The following CSMD1 variants were observed in gnomAD, a reference collection of about 807,000 sequenced individuals.
The protein encoded by CSMD1 is CUB and sushi domain-containing protein 1.
In CSMD1, 213 loss-of-function variants were observed where a neutral mutation model predicts 417.5. That is an observed-to-expected ratio of 0.51 (90% CI 0.46 to 0.57). The LOEUF (loss-of-function observed/expected upper bound fraction) is 0.57, where lower values mean the gene tolerates loss of function less well. Among genes scored for constraint, CSMD1 ranks in the 20% least tolerant of loss-of-function variants. CSMD1 has a pLI of 0.00. For missense variants in CSMD1, 6,923 were observed against 4,529.7 expected (o/e 1.53, Z -15.17); for synonymous variants, 2,862 against 1,736.8 (o/e 1.65, Z -16.11).
At chr8:4,769,941 A>G (rs904115433) in intron 1 of CSMD1, among the ~76,000 whole-genome samples, 4 of 152,196 alleles carry the variant, frequency 2.6e-5, no homozygotes, top group African/African-American at 2.4e-5. Context: ...AATAAGAACA[A>G]TAACAAGTTA....
At chr8:2,976,416 G>A (rs912042781) in intron 55 of CSMD1, among the ~76,000 whole-genome samples, 3 of 152,130 alleles carry the variant, frequency 2.0e-5, no homozygotes, top group Non-Finnish European at 2.9e-5. Context: ...AGCCTGGAGT[G>A]CAGTGGTGCA....
At chr8:3,289,823 T>C (rs1445948676) in intron 25 of CSMD1, among the ~76,000 whole-genome samples, 2 of 147,368 alleles carry the variant, frequency 1.4e-5, no homozygotes, top group Non-Finnish European at 2.9e-5. Flanking sequence ...AGAAGCTCTT[T>C]AGTTTAATTA....
chr8:4,085,348 C>T (rs1800363621), intron 3 of CSMD1, among the ~76,000 whole-genome samples: 1 of 152,078 alleles, frequency 6.6e-6, no homozygotes, highest in Non-Finnish European at 1.5e-5. Context: ...AATGGCATCT[C>T]ACAACTCAAA....
rs1345850327 is a variant in CSMD1 at position 4,441,287 on chromosome 8, G to T, written c.303-21222C>A. On this transcript the variant is annotated intron_variant, in intron 2 of 69. Transcript: ENST00000635120. ...TTTTTTTTTTTTTTTTTTTTTGGTGGGGGGAGTAGAGAGGGAGGTCTCACT... is the reference window on the plus strand; with the variant it reads ...TTTTTTTTTTTTTTTTTTTTTGGTGTGGGGAGTAGAGAGGGAGGTCTCACT... 5.9e-5 allele frequency among the ~76,000 whole-genome samples: 8 copies of T among 136,298 alleles called. No individual in the cohort carries two copies. The Admixed American group carries it at 6.0e-4, about 10-fold the overall frequency. The allele number at this position is 136,298 out of a possible 152,430, so 89.4% of individuals were successfully genotyped here. A position where few individuals can be genotyped will look rare whatever the true frequency, so the allele number is the denominator to read the frequency against.
At chr8:4,173,917 G>A (rs570416061) in intron 3 of CSMD1, among the ~76,000 whole-genome samples, 2 of 152,090 alleles carry the variant, frequency 1.3e-5, no homozygotes. Flanking sequence ...ACATGGCTCA[G>A]GGTATGAACT....
intron 18 of CSMD1, chr8:3,373,261 G>A (rs893718889): frequency 1.3e-5 from 2 of 152,152 alleles, no homozygotes; most frequent in Non-Finnish European, 2.9e-5. Context: ...GGGAGGGAAT[G>A]TGCTCTGCCC....
In CSMD1 at chr8:4,053,403, G is replaced by C. The variant is rs375869941; in HGVS notation, c.416-21304C>G. Among the ~76,000 whole-genome samples, 23 of 150,806 alleles carry C rather than the reference G, an allele frequency of 1.5e-4. No homozygotes were observed. The East Asian group carries it at 2.4e-3, about 16-fold the overall frequency. ...GTGTGCGCTGACTGCCTCTACCTTG[G>C]TGTGAATAGCTCCCACCACCTGCTT... On this transcript the variant is annotated intron_variant, in intron 3 of 69. Transcript: ENST00000635120.
chr8:3,746,895 C>G (rs549827098), intron 6 of CSMD1, among the ~76,000 whole-genome samples: 4 of 152,190 alleles, frequency 2.6e-5, no homozygotes, highest in African/African-American at 9.7e-5. Flanking sequence ...CCCAAGAGGA[C>G]TGAGTACAGT....
At chr8:3,025,394 G>A (rs537220962) in intron 51 of CSMD1, among the ~76,000 whole-genome samples, 3 of 151,676 alleles carry the variant, frequency 2.0e-5, no homozygotes, top group East Asian at 1.9e-4. Context: ...ATTGTGTGGT[G>A]TTATTCTGAA....
chr8:3,086,024 T>A lies in CSMD1; in HGVS notation c.7474+1073A>T, dbSNP rs554211146. Among the ~76,000 whole-genome samples, 33 of 152,262 alleles carry A rather than the reference T, an allele frequency of 2.2e-4. 2 individuals carry two copies. In the East Asian group the frequency reaches 6.4e-3, roughly 29 times the overall value. On this transcript the variant is annotated intron_variant, in intron 49 of 69. Coordinates refer to ENST00000635120, the MANE Select transcript of CSMD1 (RefSeq NM_033225.6). The stretch of plus-strand genomic sequence containing the variant: ...TCCAGGCTGCCGTTTGGGCTGTGGT[T>A]CTGTCATTAGCCAGTGCTAGTGGGG...
intron 2 of CSMD1, 72 bp from the exon 3 acceptor site, chr8:4,420,137 T>A: frequency 9.5e-7 from 1 of 1,051,538 alleles, no homozygotes; most frequent in Non-Finnish European, 1.4e-6. Context: ...TTTGATGAAG[T>A]CACTGAATAA....
At chr8:4,860,385 C>T (rs1802056982) in intron 1 of CSMD1, among the ~76,000 whole-genome samples, 1 of 151,008 alleles carries the variant, frequency 6.6e-6, no homozygotes, top group Non-Finnish European at 1.5e-5. Context: ...ACAATGGGCA[C>T]ATGTACCCAA....
intron 3 of CSMD1, among the ~76,000 whole-genome samples, chr8:4,279,110 G>C (rs144535018): frequency 6.6e-6 from 1 of 151,894 alleles, no homozygotes; most frequent in African/African-American, 2.4e-5. Context: ...AACACCAACC[G>C]TATTAGCAAA....
intron 3 of CSMD1, among the ~76,000 whole-genome samples, chr8:4,375,745 C>T (rs186429871): frequency 6.6e-6 from 1 of 152,134 alleles, no homozygotes; most frequent in Non-Finnish European, 1.5e-5. Flanking sequence ...ACTGCCTGCA[C>T]CATGCCCTGC....
chr8:3,337,746 G>T (rs1006013188), intron 23 of CSMD1, among the ~76,000 whole-genome samples: 1 of 152,120 alleles, frequency 6.6e-6, no homozygotes, highest in East Asian at 1.9e-4. Flanking sequence ...ACCTGGAATC[G>T]GCCTAATGGG....
intron 12 of CSMD1, among the ~76,000 whole-genome samples, chr8:3,430,002 A>G (rs747236009): frequency 8.5e-5 from 13 of 152,218 alleles, no homozygotes; most frequent in Non-Finnish European, 1.0e-4. Context: ...GTATGGGTAT[A>G]CATGTACAAA....
intron 1 of CSMD1, among the ~76,000 whole-genome samples, chr8:4,850,758 C>A (rs1307404815): frequency 6.6e-6 from 1 of 152,032 alleles, no homozygotes; most frequent in African/African-American, 2.4e-5. Context: ...CCTCAATTTT[C>A]TTTCAACCCC....
At chr8:4,163,238 A>T (rs1468412720) in intron 3 of CSMD1, among the ~76,000 whole-genome samples, 2 of 152,144 alleles carry the variant, frequency 1.3e-5, no homozygotes, top group Admixed American at 6.5e-5. Flanking sequence ...TAGCTCCTTC[A>T]GATAAATAAC....
chr8:3,268,455 A>AT (rs1204006010), intron 26 of CSMD1, among the ~76,000 whole-genome samples: 3 of 151,496 alleles, frequency 2.0e-5, no homozygotes, highest in Non-Finnish European at 2.9e-5. Flanking sequence ...CGCCCAGCTG[A>AT]TTTTTTTGTA....
Sources: allele counts gnomAD v4.1 joint callset (sites outside exome capture counted in the v4.1 genomes callset), GRCh38; gene constraint gnomAD v4.1.1; transcripts MANE v1.5; gene names NCBI Gene and HGNC (gene_info 2026-07-23, HGNC 2026-07-21).